SDK1: variants seen among roughly 807,000 people sequenced by gnomAD.
SDK1 encodes the protein sidekick cell adhesion molecule 1.
SDK1 carries 157 observed loss-of-function variants against 245.5 expected under a neutral mutation model. That is an observed-to-expected ratio of 0.64 (90% CI 0.56 to 0.73). The LOEUF is 0.73. Ranked by LOEUF, SDK1 falls within the 30% of genes least tolerant of loss-of-function variation. The pLI is 0.00. For missense variants in SDK1, 3,583 were observed against 3,002.3 expected, an observed-to-expected ratio of 1.19 and a Z score of -4.52; for synonymous variants, 1,647 against 1,278.5, an observed-to-expected ratio of 1.29 and a Z score of -6.15.
chr7:4,059,732 G>T (rs897216772), intron 19 of SDK1, among the ~76,000 whole-genome samples: 2 of 151,980 alleles, frequency 1.3e-5, no homozygotes, highest in Admixed American at 6.6e-5. Context: ...ACTAAAATTC[G>T]ATCGATATCT....
intron 20 of SDK1, among the ~76,000 whole-genome samples, chr7:4,073,827 C>T (rs545631687): frequency 1.3e-5 from 2 of 152,130 alleles, no homozygotes; most frequent in Admixed American, 1.3e-4. Flanking sequence ...CGGAGAACAG[C>T]GAAAGTGAGA....
At chr7:4,207,624 G>A (rs568514011) in intron 36 of SDK1, among the ~76,000 whole-genome samples, 15 of 152,174 alleles carry the variant, frequency 9.9e-5, no homozygotes, top group African/African-American at 2.6e-4. Context: ...GGAACACATC[G>A]TAGGAGTTGG....
Position 3,483,013 on chromosome 7 carries a change from TTTAA to T in SDK1, c.299-136062_299-136059del, listed in dbSNP as rs1420167719. Among the ~76,000 whole-genome samples, 3 of 152,296 alleles carry T rather than the reference TTTAA, an allele frequency of 2.0e-5. No homozygotes were observed. In the East Asian group the frequency reaches 5.8e-4, roughly 29 times the overall value. ...TCTTGCTTTGTTAAAATCACACCAG[TTTAA>T]TTAACACTTGTCATATTGTAAACTT... On this transcript the variant is annotated intron_variant, in intron 1 of 44. Coordinates refer to ENST00000404826, the MANE Select transcript of SDK1 (RefSeq NM_152744.4).
intron 1 of SDK1, among the ~76,000 whole-genome samples, chr7:3,377,847 C>T (rs557985125): frequency 1.4e-4 from 21 of 152,234 alleles, no homozygotes; most frequent in Non-Finnish European, 2.6e-4. Flanking sequence ...GGCACGATCT[C>T]GGCTCACTGC....
chr7:3,415,133 G>C (rs1195765861), intron 1 of SDK1, among the ~76,000 whole-genome samples: 1 of 152,116 alleles, frequency 6.6e-6, no homozygotes, highest in Non-Finnish European at 1.5e-5. Context: ...ATCTTTTGAG[G>C]TTGTATCCAA....
At position 4,079,581 on chromosome 7, in the gene SDK1, G is replaced by T; in HGVS notation, c.3321G>T (p.Gly1107=). ...KTSISRWIVE[G]QVGAIGDEEE... Reference sequence around the variant, plus strand: ...CCATCTCCAGGTGGATTGTTGAGGGGCAGGTACGTGTGTCGTTAGACTGGG... The same window carrying T: ...CCATCTCCAGGTGGATTGTTGAGGGTCAGGTACGTGTGTCGTTAGACTGGG... The change falls in exon 22 of 45, where the codon GGG becomes GGT. Residue 1107 remains glycine (G), a synonymous_variant. Transcript: ENST00000404826. 3 of 1,614,172 alleles carry T rather than the reference G, an allele frequency of 1.9e-6. No homozygotes were observed. The highest frequency in any genetic ancestry group is 2.5e-6 in the Non-Finnish European group (3 of 1,180,000).
intron 22 of SDK1, among the ~76,000 whole-genome samples, chr7:4,100,985 CGG>C (rs1215895417): frequency 6.6e-6 from 1 of 152,144 alleles, no homozygotes; most frequent in Non-Finnish European, 1.5e-5. Flanking sequence ...GGGTGCGTGA[CGG>C]GGGAAGGGAG....
intron 1 of SDK1, among the ~76,000 whole-genome samples, chr7:3,453,933 C>T (rs757154056): frequency 2.0e-5 from 3 of 151,994 alleles, no homozygotes; most frequent in African/African-American, 7.3e-5. Context: ...TAAGTAATCA[C>T]ATTCATTTCC....
chr7:3,897,372 C>T (rs1190456369), intron 5 of SDK1, among the ~76,000 whole-genome samples: 1 of 152,142 alleles, frequency 6.6e-6, no homozygotes, highest in Non-Finnish European at 1.5e-5. Flanking sequence ...CTCCCCTTCC[C>T]CAGCCCCTGG....
intron 1 of SDK1, among the ~76,000 whole-genome samples, chr7:3,578,652 C>G (rs188104137): frequency 6.6e-6 from 1 of 151,922 alleles, no homozygotes; most frequent in East Asian, 1.9e-4. Context: ...ATCTTAGGGT[C>G]TTAATATTCC....
intron 1 of SDK1, among the ~76,000 whole-genome samples, chr7:3,508,213 T>C (rs752067807): frequency 6.6e-6 from 1 of 152,104 alleles, no homozygotes; most frequent in Non-Finnish European, 1.5e-5. Context: ...TTCAGATTCA[T>C]GTGGACAGTT....
intron 1 of SDK1, among the ~76,000 whole-genome samples, chr7:3,408,796 C>G (rs868259831): frequency 1.2e-4 from 18 of 152,206 alleles, no homozygotes; most frequent in Middle Eastern, 3.2e-3. Context: ...TTATTTGCTT[C>G]TGTATGCTCA....
chr7:4,168,785 C>G (rs772490461), intron 32 of SDK1, among the ~76,000 whole-genome samples: 1 of 152,208 alleles, frequency 6.6e-6, no homozygotes, highest in Non-Finnish European at 1.5e-5. Context: ...TTGGCTGGTA[C>G]TTACAGAGCC....
At chr7:3,511,861 G>A (rs956742953) in intron 1 of SDK1, among the ~76,000 whole-genome samples, 4 of 148,424 alleles carry the variant, frequency 2.7e-5, no homozygotes, top group Admixed American at 1.4e-4. Flanking sequence ...CTGGTACACT[G>A]ATATCTCGTA....
intron 1 of SDK1, among the ~76,000 whole-genome samples, chr7:3,523,979 G>A (rs1310689193): frequency 6.6e-6 from 1 of 152,162 alleles, no homozygotes; most frequent in African/African-American, 2.4e-5. Flanking sequence ...CTTGATCCTG[G>A]CCTGTGATTC....
At chr7:3,345,257 G>A (rs1583714116) in intron 1 of SDK1, among the ~76,000 whole-genome samples, 1 of 151,942 alleles carries the variant, frequency 6.6e-6, no homozygotes. Flanking sequence ...GGTTTCTCTG[G>A]GACCTGACTT....
At chr7:3,723,118 T>C (rs570386751) in intron 4 of SDK1, among the ~76,000 whole-genome samples, 66 of 152,340 alleles carry the variant, frequency 4.3e-4, no homozygotes, top group Non-Finnish European at 6.8e-4. Flanking sequence ...CCATATAAAA[T>C]TCTGTCCTCA....
chr7:4,142,935 C>A (rs1323246056), intron 28 of SDK1, among the ~76,000 whole-genome samples: 1 of 152,228 alleles, frequency 6.6e-6, no homozygotes. Context: ...CCAGGCAGAA[C>A]ACAGCCGCCC....
rs141367524 is a variant in SDK1 at position 3,642,008 on chromosome 7, C to T, written c.616C>T (p.Arg206Cys). Residue 206 changes from arginine (R) to cysteine (C), a missense_variant, in exon 4 of 45, where the codon CGT becomes TGT. Transcript: ENST00000404826. ...CCAGAGGAAAACAGTTTCTCAAGGA[C>T]GTGCAGCGATTCTAAACCTGCTGCC... The part of the protein sequence containing the change: ...TDQRKTVSQG[R>C]AAILNLLPIT... 37 of 1,613,722 alleles carry T rather than the reference C, an allele frequency of 2.3e-5. No homozygotes were observed. Among genetic ancestry groups the T allele is most frequent in the Middle Eastern group, 1.7e-4 (1 of 6,060 alleles).
Sources: allele counts gnomAD v4.1 joint callset (sites outside exome capture counted in the v4.1 genomes callset), GRCh38; gene constraint gnomAD v4.1.1; transcripts MANE v1.5; gene names NCBI Gene and HGNC (gene_info 2026-07-23, HGNC 2026-07-21).